The following GABRG1 variants were observed in gnomAD, a reference collection of about 807,000 sequenced individuals.
GABRG1 encodes the protein gamma-aminobutyric acid receptor subunit gamma-1.
Under a neutral mutation model 49.8 loss-of-function variants are expected in GABRG1, and 49 were observed. The ratio of observed to expected loss-of-function variants is 0.98; its 90% CI spans 0.78 to 1.25. GABRG1 has a LOEUF of 1.25. Ranked by LOEUF, GABRG1 falls within the 50% of genes most tolerant of loss-of-function variation. The pLI is 0.00. For missense variants in GABRG1, 552 were observed against 552.3 expected, an observed-to-expected ratio of 1.00 and a Z score of 0.01; for synonymous variants, 232 against 185.1, an observed-to-expected ratio of 1.25 and a Z score of -2.06.
chr4:46,063,108 G>C (rs1421532676), intron 5 of GABRG1, among the ~76,000 whole-genome samples: 2 of 151,518 alleles, frequency 1.3e-5, no homozygotes, highest in East Asian at 1.9e-4. Context: ...GTAATTTATA[G>C]ATTCAATGCC....
chr4:46,084,939 G>C (rs1489805876), intron 2 of GABRG1, among the ~76,000 whole-genome samples: 2 of 151,454 alleles, frequency 1.3e-5, no homozygotes, highest in Non-Finnish European at 3.0e-5. Context: ...AATTAAGCCA[G>C]TTATAGTTAG....
chr4:46,058,067 C>T (rs1354841802), intron 7 of GABRG1, 150 bp downstream of exon 7: 10 of 533,160 alleles, frequency 1.9e-5, no homozygotes, highest in Non-Finnish European at 3.1e-5. Flanking sequence ...ATATCTCTTT[C>T]AACATGGTAT....
At chr4:46,113,052 A>G (rs1439421539) in intron 1 of GABRG1, among the ~76,000 whole-genome samples, 2 of 151,090 alleles carry the variant, frequency 1.3e-5, no homozygotes, top group African/African-American at 4.8e-5. Context: ...AGCTTCACTC[A>G]CTTATAGTAT....
intron 2 of GABRG1, among the ~76,000 whole-genome samples, chr4:46,086,779 T>C (rs140266936): frequency 2.6e-5 from 4 of 151,842 alleles, no homozygotes; most frequent in Middle Eastern, 3.4e-3. Flanking sequence ...GTGAATACTC[T>C]TACACAACTG....
chr4:46,118,132 G>GTATATATA lies in GABRG1; in HGVS notation c.104+5670_104+5677dup, dbSNP rs1553884495. ...TATATACATATATACGTGTGTGTGT[G>GTATATATA]TATATATATATATACAGCTACAGTA... On this transcript the variant is annotated intron_variant, in intron 1 of 8. Transcript: ENST00000295452. Among the ~76,000 whole-genome samples the GTATATATA allele has an allele frequency of 6.5e-4, 72 of 109,950 alleles. 6 individuals carry two copies. Among genetic ancestry groups the GTATATATA allele is most frequent in the Admixed American group, 1.7e-3 (20 of 12,014 alleles). 72.1% of individuals were successfully genotyped at this position (109,950 alleles called of 152,430 possible).
At chr4:46,060,369 T>A (rs1314274039) in intron 5 of GABRG1, among the ~76,000 whole-genome samples, 1 of 152,084 alleles carries the variant, frequency 6.6e-6, no homozygotes, top group Admixed American at 6.6e-5. Context: ...TACACTACCA[T>A]CTTACAATAC....
At position 46,051,571 on chromosome 4, in the gene GABRG1, A is replaced by T. The variant is rs749535577; in HGVS notation, c.984T>A (p.Ser328=). The change falls in exon 8 of 9, where the codon TCT becomes TCA. Residue 328 remains serine, a synonymous_variant. Coordinates refer to ENST00000295452, the MANE Select transcript of GABRG1 (RefSeq NM_173536.4). Reference sequence around the variant, plus strand: ...CAAAGAGATCCATCGCAGTCACATAAGAAACCTTAGGTAAAGACTTCCTGG... The same window carrying T: ...CAAAGAGATCCATCGCAGTCACATATGAAACCTTAGGTAAAGACTTCCTGG... ...TIARKSLPKV[S]YVTAMDLFVS... The T allele has an allele frequency of 2.9e-5, 47 of 1,611,730 alleles. No homozygotes were observed. The highest frequency in any genetic ancestry group is 3.9e-5 in the Non-Finnish European group (46 of 1,178,638).
At chr4:46,089,529 C>A (rs1240425429) in intron 2 of GABRG1, among the ~76,000 whole-genome samples, 2 of 152,086 alleles carry the variant, frequency 1.3e-5, no homozygotes, top group Non-Finnish European at 2.9e-5. Flanking sequence ...CACAGTGTCA[C>A]CCTAGTGGTG....
At chr4:46,065,666 T>C in intron 3 of GABRG1, 82 bp from the exon 4 acceptor site, 1 of 693,542 alleles carries the variant, frequency 1.4e-6, no homozygotes, top group South Asian at 1.9e-5. Context: ...TTTTGTATTG[T>C]AAAGTTTCTG....
chr4:46,106,236 T>C (rs546449797), intron 1 of GABRG1, among the ~76,000 whole-genome samples: 24 of 151,564 alleles, frequency 1.6e-4, no homozygotes, highest in African/African-American at 5.5e-4. Context: ...TAATTTGTAG[T>C]GCAGCCCGTT....
chr4:46,056,283 G>A (rs1718445737), intron 7 of GABRG1, among the ~76,000 whole-genome samples: 1 of 151,214 alleles, frequency 6.6e-6, no homozygotes, highest in Non-Finnish European at 1.5e-5. Flanking sequence ...TATTTTCTGT[G>A]ACTATTCATT....
chr4:46,088,386 A>G (rs1719859773), intron 2 of GABRG1, among the ~76,000 whole-genome samples: 1 of 152,050 alleles, frequency 6.6e-6, no homozygotes. Context: ...ATAAACACAA[A>G]ATATTTCTGT....
At chr4:46,051,685 A>G in intron 7 of GABRG1, 47 bp from the exon 8 acceptor site, 1 of 1,180,500 alleles carries the variant, frequency 8.5e-7, no homozygotes. Flanking sequence ...AATAGACCAC[A>G]TTTATTCTTC....
intron 5 of GABRG1, among the ~76,000 whole-genome samples, 196 bp downstream of exon 5, chr4:46,064,245 C>T (rs1718821845): frequency 6.6e-6 from 1 of 151,794 alleles, no homozygotes; most frequent in South Asian, 2.1e-4. Flanking sequence ...AAAATATATG[C>T]ATTCATAACA....
At chr4:46,043,701 A>G (rs1450462378) in intron 8 of GABRG1, among the ~76,000 whole-genome samples, 1 of 152,072 alleles carries the variant, frequency 6.6e-6, no homozygotes, top group African/African-American at 2.4e-5. Context: ...GTAGCAACAT[A>G]ATTGAATAGA....
At chr4:46,081,541 C>A (rs897814965) in intron 3 of GABRG1, among the ~76,000 whole-genome samples, 9 of 151,558 alleles carry the variant, frequency 5.9e-5, no homozygotes, top group African/African-American at 2.2e-4. Flanking sequence ...CAGACATAGG[C>A]AACTGTTAGG....
At chr4:46,106,908 A>G (rs1188782133) in intron 1 of GABRG1, among the ~76,000 whole-genome samples, 1 of 151,128 alleles carries the variant, frequency 6.6e-6, no homozygotes, top group African/African-American at 2.4e-5. Context: ...ACATTTAATC[A>G]TTTTTTTAAT....
At chr4:46,109,044 G>A (rs75820552) in intron 1 of GABRG1, among the ~76,000 whole-genome samples, 3,117 of 150,934 alleles carry the variant, frequency 0.021, 104 homozygotes, top group African/African-American at 0.07. Context: ...ATATCTCTTA[G>A]GATAAACAGT....
intron 1 of GABRG1, among the ~76,000 whole-genome samples, chr4:46,101,827 T>C (rs1301909211): frequency 6.6e-6 from 1 of 151,724 alleles, no homozygotes; most frequent in Non-Finnish European, 1.5e-5. Context: ...ATTATTTTCA[T>C]AATTTAATAT....
Sources: gnomAD v4.1 joint callset for allele counts (sites outside exome capture counted in the v4.1 genomes callset) on GRCh38, gnomAD v4.1.1 for gene constraint, MANE v1.5 for transcripts, NCBI Gene and HGNC (gene_info 2026-07-23, HGNC 2026-07-21) for gene names.